Variants in MAF observed in about 807,000 individuals in gnomAD.
MAF encodes the protein transcription factor Maf.
In MAF, 10 loss-of-function variants were observed where a neutral mutation model predicts 22.0. That is an observed-to-expected ratio of 0.45 (90% CI 0.28 to 0.77). The LOEUF is 0.77. Ranked by LOEUF, MAF falls within the 30% of genes least tolerant of loss-of-function variation. The probability of loss-of-function intolerance (pLI) is 0.12; values close to 1 mark genes in which losing one functional copy is unlikely to be tolerated. For missense variants in MAF, 544 were observed against 548.4 expected (o/e 0.99, Z 0.08); for synonymous variants, 337 against 255.8 (o/e 1.32, Z -3.03).
chr16:79,397,547 C>T, the MAF span, among the ~76,000 whole-genome samples: 1 of 152,130 alleles, frequency 6.6e-6, no homozygotes, highest in African/African-American at 2.4e-5. Context: ...TTTGTTAAAA[C>T]ATTTTTTTAA....
At chr16:79,526,849 G>C in the MAF span, among the ~76,000 whole-genome samples, 1 of 151,774 alleles carries the variant, frequency 6.6e-6, no homozygotes, top group Non-Finnish European at 1.5e-5. Flanking sequence ...CAAATAATAA[G>C]ATATAGATAA....
chr16:79,391,872 AAGGAGGAGGAGG>A, the MAF span, among the ~76,000 whole-genome samples: 15 of 136,880 alleles, frequency 1.1e-4, no homozygotes, highest in African/African-American at 2.3e-4. Context: ...GGAGGAGGAG[AAGGAGGAGGAGG>A]AGGAGGAGGA....
At chr16:79,282,700 A>T in the MAF span, among the ~76,000 whole-genome samples, 1 of 152,178 alleles carries the variant, frequency 6.6e-6, no homozygotes, top group Non-Finnish European at 1.5e-5. Flanking sequence ...TCCAATCAAA[A>T]CTGTAAGTAG....
chr16:79,506,093 G>A, the MAF span, among the ~76,000 whole-genome samples: 1 of 152,138 alleles, frequency 6.6e-6, no homozygotes, highest in Non-Finnish European at 1.5e-5. Flanking sequence ...CTACTGAGCA[G>A]CATAATTTGA....
the MAF span, among the ~76,000 whole-genome samples, chr16:79,520,376 C>T: frequency 1.3e-5 from 2 of 152,146 alleles, no homozygotes; most frequent in African/African-American, 2.4e-5. Flanking sequence ...AGCCATATGA[C>T]CTCCTTCTCA....
the MAF span, among the ~76,000 whole-genome samples, chr16:79,454,568 A>G: frequency 2.0e-3 from 311 of 152,288 alleles, 3 homozygotes; most frequent in African/African-American, 7.3e-3. Flanking sequence ...CCTTCCTACT[A>G]ATTACAGGAA....
chr16:79,567,742 A>G, the MAF span, among the ~76,000 whole-genome samples: 1 of 152,288 alleles, frequency 6.6e-6, no homozygotes, highest in East Asian at 1.9e-4. Flanking sequence ...CAATAAGTAA[A>G]TCCCATCTAC....
chr16:79,594,264 C>T lies in MAF; in HGVS notation c.*196G>A, dbSNP rs975542011. ...CACCATAAATCGAAAAGCAGGAGTG[C>T]GCTTTCCTACCGGTCTCTATGAAAC... On this transcript the variant is annotated 3_prime_UTR_variant, in exon 2 of 2. Transcript: ENST00000326043. 31 of 585,430 alleles carry T rather than the reference C, an allele frequency of 5.3e-5. No individual in the cohort carries two copies. The highest frequency in any genetic ancestry group is 1.4e-4 in the South Asian group (7 of 48,406). 36.3% of individuals were successfully genotyped at this position (585,430 alleles called of 1,614,324 possible).
the MAF span, among the ~76,000 whole-genome samples, chr16:79,497,442 G>A: frequency 3.9e-5 from 6 of 152,174 alleles, no homozygotes; most frequent in Non-Finnish European, 7.3e-5. Flanking sequence ...ACCCAGCAGC[G>A]CTGCTATGTA....
At chr16:79,423,875 A>G in the MAF span, among the ~76,000 whole-genome samples, 1 of 152,206 alleles carries the variant, frequency 6.6e-6, no homozygotes, top group African/African-American at 2.4e-5. Context: ...TCTTAGATAG[A>G]TGCTTGAAAA....
At chr16:79,260,509 A>ATATCTATATT in the MAF span, among the ~76,000 whole-genome samples, 1 of 42,076 alleles carries the variant, frequency 2.4e-5, no homozygotes, top group Non-Finnish European at 6.7e-5. Context: ...ATATCTATAT[A>ATATCTATATT]TTTGTCTGTT....
chr16:79,539,241 T>C, the MAF span, among the ~76,000 whole-genome samples: 1 of 152,246 alleles, frequency 6.6e-6, no homozygotes, highest in Non-Finnish European at 1.5e-5. Flanking sequence ...TGGTGGCTCA[T>C]GCCTGTAATC....
the MAF span, among the ~76,000 whole-genome samples, chr16:79,318,187 AG>A: frequency 6.6e-6 from 1 of 152,186 alleles, no homozygotes; most frequent in Non-Finnish European, 1.5e-5. Context: ...TGAGACTCTT[AG>A]GCCAGAAGAA....
chr16:79,222,309 G>A, the MAF span, among the ~76,000 whole-genome samples: 4 of 152,092 alleles, frequency 2.6e-5, no homozygotes, highest in African/African-American at 9.7e-5. Flanking sequence ...TCACCACCAG[G>A]CCTGTCTTAC....
chr16:79,210,292 G>T, the MAF span, among the ~76,000 whole-genome samples: 7 of 152,084 alleles, frequency 4.6e-5, no homozygotes, highest in Admixed American at 4.6e-4. Context: ...TCTTCACGTC[G>T]TAACACCTTC....
the MAF span, among the ~76,000 whole-genome samples, chr16:79,447,560 C>T: frequency 6.6e-6 from 1 of 152,024 alleles, no homozygotes; most frequent in East Asian, 1.9e-4. Flanking sequence ...AGTAGTGACC[C>T]CTCTGGTGGA....
At chr16:79,233,963 G>A in the MAF span, among the ~76,000 whole-genome samples, 1 of 149,676 alleles carries the variant, frequency 6.7e-6, no homozygotes, top group African/African-American at 2.5e-5. Flanking sequence ...CTGCACTCCA[G>A]TCTGGGCGAA....
the MAF span, among the ~76,000 whole-genome samples, chr16:79,401,716 G>A: frequency 6.6e-6 from 1 of 152,118 alleles, no homozygotes; most frequent in African/African-American, 2.4e-5. Flanking sequence ...CGTGTGGTAC[G>A]CAGAATACGG....
the MAF span, among the ~76,000 whole-genome samples, chr16:79,372,066 A>T: frequency 1.5e-5 from 2 of 132,430 alleles, no homozygotes; most frequent in South Asian, 2.5e-4. Context: ...AGGGAGAGGA[A>T]TTTTTTTTTT....
Sources: gnomAD v4.1 joint callset for allele counts (sites outside exome capture counted in the v4.1 genomes callset) on GRCh38, gnomAD v4.1.1 for gene constraint, MANE v1.5 for transcripts, NCBI Gene and HGNC (gene_info 2026-07-23, HGNC 2026-07-21) for gene names.